Variants in DDX60L observed in about 807,000 individuals in gnomAD.
DDX60L encodes the protein probable ATP-dependent RNA helicase DDX60-like.
Under a neutral mutation model 211.6 loss-of-function variants are expected in DDX60L, and 191 were observed. The observed-to-expected ratio is 0.90, with a 90% confidence interval of 0.80 to 1.02. The LOEUF (loss-of-function observed/expected upper bound fraction) is 1.02, where lower values mean the gene tolerates loss of function less well. Among genes scored for constraint, DDX60L ranks in the 50% least tolerant of loss-of-function variants. The pLI is 0.00. For synonymous variants in DDX60L, 706 were observed against 694.1 expected, an observed-to-expected ratio of 1.02 and a Z score of -0.27; for missense variants, 2,007 against 1,984.1, an observed-to-expected ratio of 1.01 and a Z score of -0.22.
intron 10 of DDX60L, among the ~76,000 whole-genome samples, chr4:168,433,946 C>A (rs2149957663): frequency 6.6e-6 from 1 of 152,324 alleles, no homozygotes; most frequent in East Asian, 1.9e-4. Flanking sequence ...TATTTTGTCT[C>A]ATTACTTAAA....
At position 168,409,915 on chromosome 4, in the gene DDX60L, ATTT is replaced by A. The variant is rs747073406; in HGVS notation, c.2980-3212_2980-3210del. On this transcript the variant is annotated intron_variant, in intron 22 of 37. Transcript: ENST00000682922. ...TGTAAGTTGGGAATAATTATAGTAC[ATTT>A]ATTATAAAGATGTTGTGAAGGTTAA... is the stretch of plus-strand genomic sequence containing the variant. Among the ~76,000 whole-genome samples the A allele has an allele frequency of 4.0e-3, 612 of 152,278 alleles. 14 individuals carry two copies. Among genetic ancestry groups the A allele is most frequent in the Non-Finnish European group, 1.5e-3 (99 of 68,014 alleles).
intron 30 of DDX60L, among the ~76,000 whole-genome samples, chr4:168,383,652 C>T (rs557983452): frequency 3.3e-5 from 5 of 152,044 alleles, no homozygotes; most frequent in African/African-American, 7.3e-5. Context: ...ATTTAGCTCA[C>T]GAGGGGAGTG....
At chr4:168,398,428 A>G (rs1392061843) in intron 26 of DDX60L, among the ~76,000 whole-genome samples, 2 of 152,198 alleles carry the variant, frequency 1.3e-5, no homozygotes, top group Non-Finnish European at 2.9e-5. Context: ...GGGGGCTAAG[A>G]GCAGCTCGGC....
At chr4:168,367,015 C>A (rs1740116198) in intron 36 of DDX60L, among the ~76,000 whole-genome samples, 1 of 151,682 alleles carries the variant, frequency 6.6e-6, no homozygotes, top group East Asian at 1.9e-4. Context: ...ATGTTAATAA[C>A]ATATTAAATA....
At chr4:168,444,584 A>T (rs1255020666) in intron 9 of DDX60L, among the ~76,000 whole-genome samples, 1 of 123,430 alleles carries the variant, frequency 8.1e-6, no homozygotes, top group Non-Finnish European at 1.7e-5. Context: ...CATTTTTTTC[A>T]GCACCACACC....
chr4:168,375,300 T>G, intron 34 of DDX60L, 77 bp downstream of exon 34: 1 of 1,468,970 alleles, frequency 6.8e-7, no homozygotes, highest in Admixed American at 2.0e-5. Context: ...CTTTGAAGCA[T>G]CCAATATCCA....
intron 4 of DDX60L, among the ~76,000 whole-genome samples, chr4:168,462,421 C>A (rs1227735526): frequency 6.6e-6 from 1 of 151,890 alleles, no homozygotes; most frequent in Non-Finnish European, 1.5e-5. Flanking sequence ...TAATGTAAGT[C>A]TTTTCTTGGC....
chr4:168,416,452 T>TTA (rs3068258), intron 20 of DDX60L, among the ~76,000 whole-genome samples: 30,012 of 150,250 alleles, frequency 0.2, 3,073 homozygotes, highest in African/African-American at 0.27. Flanking sequence ...GACATGGTAA[T>TTA]GTACACCTGT....
At chr4:168,427,413 G>A in intron 13 of DDX60L, 91 bp from the exon 14 acceptor site, 1 of 1,387,462 alleles carries the variant, frequency 7.2e-7, no homozygotes, top group East Asian at 2.3e-5. Context: ...CACTTACTGA[G>A]GACTCTGGCC....
chr4:168,420,205 T>C, intron 18 of DDX60L, 56 bp downstream of exon 18: 1 of 1,355,352 alleles, frequency 7.4e-7, no homozygotes, highest in Non-Finnish European at 9.8e-7. Context: ...AGCAAAACAG[T>C]TATATAAGTA....
intron 26 of DDX60L, among the ~76,000 whole-genome samples, chr4:168,398,215 A>G (rs1746162938): frequency 1.3e-5 from 2 of 152,292 alleles, no homozygotes; most frequent in Admixed American, 6.5e-5. Context: ...CCACAGGCTC[A>G]GAAGTGTCTG....
chr4:168,468,004 T>TAA (rs1325469201), intron 4 of DDX60L, among the ~76,000 whole-genome samples: 1 of 151,978 alleles, frequency 6.6e-6, no homozygotes, highest in African/African-American at 2.4e-5. Flanking sequence ...CCATCTTTGC[T>TAA]AAAAATACAA....
At chr4:168,422,709 T>G (rs561753988) in intron 15 of DDX60L, 39 bp from the exon 16 acceptor site, 1 of 1,426,600 alleles carries the variant, frequency 7.0e-7, no homozygotes, top group African/African-American at 1.4e-5. Flanking sequence ...AACTTAAACT[T>G]CAAAATTGAA....
intron 4 of DDX60L, among the ~76,000 whole-genome samples, chr4:168,467,072 T>C (rs1260028147): frequency 6.6e-6 from 1 of 152,170 alleles, no homozygotes; most frequent in Non-Finnish European, 1.5e-5. Flanking sequence ...TCCTTCTGTG[T>C]TATTCAGTGT....
chr4:168,453,668 A>G (rs147200967), intron 7 of DDX60L, among the ~76,000 whole-genome samples: 144 of 152,318 alleles, frequency 9.5e-4, no homozygotes, highest in African/African-American at 3.3e-3. Flanking sequence ...ATGGCAATCT[A>G]TCTGTAAAAC....
At position 168,472,700 on chromosome 4, in the gene DDX60L, C is replaced by T. The variant is rs754105623; in HGVS notation, c.-1G>A. On this transcript the variant is annotated 5_prime_UTR_variant, in exon 2 of 38. Transcript: ENST00000682922. ...ATATCAAAGATTGAGAATTACCCAT[C>T]GTTGCTGCTTCTTGGGCTACAGGGT... 44 of 1,613,370 alleles carry T rather than the reference C, an allele frequency of 2.7e-5. No individual in the cohort carries two copies. Among genetic ancestry groups the T allele is most frequent in the Admixed American group, 1.7e-4 (10 of 59,944 alleles).
intron 29 of DDX60L, among the ~76,000 whole-genome samples, chr4:168,385,861 T>C (rs2029384): frequency 0.82 from 124,695 of 152,004 alleles, 51,721 homozygotes; most frequent in Middle Eastern, 0.92. Context: ...GGTAAGATGA[T>C]ACGTAAAAGA....
At position 168,417,183 on chromosome 4, in the gene DDX60L, G is replaced by A. The variant is rs1249206462; in HGVS notation, c.2611-386C>T. ...GTATTATTAAACAAAAATCAAATTA[G>A]GCTACATACCTAATTAAATCCCTAC... On this transcript the variant is annotated intron_variant, in intron 19 of 37. Transcript: ENST00000682922. Among the ~76,000 whole-genome samples, 6 of 151,940 alleles carry A rather than the reference G, an allele frequency of 3.9e-5. No homozygotes were observed. The East Asian group carries it at 1.2e-3, about 29-fold the overall frequency.
In DDX60L at chr4:168,366,140, G is replaced by A. The variant is rs564681362; in HGVS notation, c.4929-4929C>T. Reference sequence around the variant, plus strand: ...ACATAGTACTAGTAGTCCTAGCCAGGGCAAGCAGACAAGAGAATAAATAAT... The same window carrying A: ...ACATAGTACTAGTAGTCCTAGCCAGAGCAAGCAGACAAGAGAATAAATAAT... On this transcript the variant is annotated intron_variant, in intron 36 of 37. Transcript: ENST00000682922. 3.3e-5 allele frequency among the ~76,000 whole-genome samples: 5 copies of A among 152,058 alleles called. No individual in the cohort carries two copies. The East Asian group carries it at 7.7e-4, about 23-fold the overall frequency.
Sources: gnomAD v4.1 joint callset for allele counts (sites outside exome capture counted in the v4.1 genomes callset) on GRCh38, gnomAD v4.1.1 for gene constraint, MANE v1.5 for transcripts, NCBI Gene and HGNC (gene_info 2026-07-23, HGNC 2026-07-21) for gene names.